SLC36A1: variants seen among roughly 807,000 people sequenced by gnomAD.
The protein encoded by SLC36A1 is proton-coupled amino acid transporter 1.
Under a neutral mutation model 47.5 loss-of-function variants are expected in SLC36A1, and 30 were observed. The ratio of observed to expected loss-of-function variants is 0.63; its 90% CI spans 0.47 to 0.86. The LOEUF is 0.86. Among genes scored for constraint, SLC36A1 ranks in the 40% least tolerant of loss-of-function variants. The pLI is 0.00. For missense variants in SLC36A1, 517 were observed against 606.0 expected, an observed-to-expected ratio of 0.85 and a Z score of 1.54; for synonymous variants, 255 against 249.7, an observed-to-expected ratio of 1.02 and a Z score of -0.20.
At chr5:151,381,358 G>T in the SLC36A1 span, 2 of 177,314 alleles carry the variant, frequency 1.1e-5, no homozygotes. Flanking sequence ...CAGTGAAAGA[G>T]ATCTAATTTA....
intron 9 of SLC36A1, among the ~76,000 whole-genome samples, chr5:151,477,817 T>A (rs1185805131): frequency 6.6e-6 from 1 of 152,200 alleles, no homozygotes; most frequent in Non-Finnish European, 1.5e-5. Flanking sequence ...CACCTTTCCC[T>A]GGAAGATAAA....
At chr5:151,517,844 T>A in the SLC36A1 span, 1 of 1,533,298 alleles carries the variant, frequency 6.5e-7, no homozygotes. Flanking sequence ...TCTTATTTAA[T>A]CCTTGGGTGG....
the SLC36A1 span, among the ~76,000 whole-genome samples, chr5:151,522,617 C>T: frequency 6.6e-6 from 1 of 152,132 alleles, no homozygotes; most frequent in African/African-American, 2.4e-5. Flanking sequence ...AAATAAGTTA[C>T]CAAATAACTT....
chr5:151,476,896 C>G, intron 9 of SLC36A1, 140 bp downstream of exon 9: 1 of 1,054,252 alleles, frequency 9.5e-7, no homozygotes, highest in Non-Finnish European at 1.4e-6. Context: ...ACTGCCAGCC[C>G]TCACTGGCTG....
At chr5:151,433,286 T>A (rs1297838875), upstream of SLC36A1, among the ~76,000 whole-genome samples, 1 of 62,702 alleles carries the variant, frequency 1.6e-5, no homozygotes, top group African/African-American at 6.0e-5. Flanking sequence ...TTTTTTTTTT[T>A]TTTTTTTTTT....
the SLC36A1 span, among the ~76,000 whole-genome samples, chr5:151,519,842 T>C: frequency 6.6e-6 from 1 of 152,204 alleles, no homozygotes; most frequent in African/African-American, 2.4e-5. Flanking sequence ...TTGCACCTGC[T>C]GCTTCAGAAT....
chr5:151,510,435 C>T, the SLC36A1 span: 1 of 364,086 alleles, frequency 2.7e-6, no homozygotes, highest in African/African-American at 2.0e-5. Context: ...CAACCATAGA[C>T]ACTAACTTAG....
chr5:151,509,142 C>T, the SLC36A1 span, among the ~76,000 whole-genome samples: 62 of 152,284 alleles, frequency 4.1e-4, no homozygotes, highest in South Asian at 0.012. Context: ...CCAAGTGGAA[C>T]CATTTTCCCC....
the SLC36A1 span, among the ~76,000 whole-genome samples, chr5:151,410,951 C>A: frequency 6.9e-6 from 1 of 144,562 alleles, no homozygotes. Context: ...GCCAAATGTC[C>A]ACTGGAGAGC....
At chr5:151,369,905 A>G in the SLC36A1 span, among the ~76,000 whole-genome samples, 1 of 152,106 alleles carries the variant, frequency 6.6e-6, no homozygotes, top group Non-Finnish European at 1.5e-5. Flanking sequence ...AGCCATTCTC[A>G]TGCCTCAGCC....
chr5:151,525,678 T>G, the SLC36A1 span: 1 of 1,452,408 alleles, frequency 6.9e-7, no homozygotes, highest in Non-Finnish European at 9.6e-7. Flanking sequence ...TTTGTACATT[T>G]TTTCCCTAAT....
At chr5:151,512,595 T>G in the SLC36A1 span, 4 of 1,604,654 alleles carry the variant, frequency 2.5e-6, no homozygotes, top group Non-Finnish European at 3.4e-6. This position sits in a 1 kb window ranked among gnomAD's most constrained non-coding sequence, Gnocchi z 4.1. Context: ...GCTGGGGCAC[T>G]CCACTGGCCA....
chr5:151,524,197 T>G, the SLC36A1 span, among the ~76,000 whole-genome samples: 2 of 152,298 alleles, frequency 1.3e-5, no homozygotes, highest in East Asian at 1.9e-4. Context: ...TGTACTTAGA[T>G]TAGAATCTAA....
At chr5:151,539,122 A>T in the SLC36A1 span, among the ~76,000 whole-genome samples, 2 of 152,114 alleles carry the variant, frequency 1.3e-5, no homozygotes, top group African/African-American at 4.8e-5. Flanking sequence ...GGCTGAGGGA[A>T]AAGAGAAGGA....
At chr5:151,421,135 A>G in the SLC36A1 span, among the ~76,000 whole-genome samples, 3 of 147,768 alleles carry the variant, frequency 2.0e-5, no homozygotes, top group Non-Finnish European at 4.5e-5. Context: ...GGCCTCCCAA[A>G]GTGCTGGGAT....
chr5:151,390,420 A>G, the SLC36A1 span, among the ~76,000 whole-genome samples: 2 of 152,094 alleles, frequency 1.3e-5, no homozygotes, highest in Non-Finnish European at 2.9e-5. Flanking sequence ...ATCAGATCCC[A>G]TTTGTCAATT....
At chr5:151,397,114 C>T in the SLC36A1 span, among the ~76,000 whole-genome samples, 104 of 152,330 alleles carry the variant, frequency 6.8e-4, no homozygotes, top group Non-Finnish European at 1.2e-3. Flanking sequence ...CACCCAATCT[C>T]GTTTGTGGAG....
intron 10 of SLC36A1, among the ~76,000 whole-genome samples, chr5:151,481,391 T>G (rs1758782210): frequency 6.6e-6 from 1 of 152,240 alleles, no homozygotes; most frequent in African/African-American, 2.4e-5. Context: ...TAGAGGCCTT[T>G]CATGGCAGCA....
At chr5:151,545,876 C>A in the SLC36A1 span, 1 of 1,614,222 alleles carries the variant, frequency 6.2e-7, no homozygotes, top group South Asian at 1.1e-5. Context: ...TTGTCATTTT[C>A]ATCAATTATG....
Sources: allele counts gnomAD v4.1 joint callset (sites outside exome capture counted in the v4.1 genomes callset), GRCh38; gene constraint gnomAD v4.1.1; non-coding constraint Gnocchi (gnomAD v3.1); transcripts MANE v1.5; gene names NCBI Gene and HGNC (gene_info 2026-07-23, HGNC 2026-07-21).